LOC122539214: variants seen among roughly 807,000 people sequenced by gnomAD.
At chr19:52,666,485 C>T in the LOC122539214 span, among the ~76,000 whole-genome samples, 50 of 152,158 alleles carry the variant, frequency 3.3e-4, no homozygotes, top group African/African-American at 1.1e-3. Flanking sequence ...ATCCTTAACC[C>T]AGTAAACCGC....
At chr19:52,675,965 G>GCAGAT in the LOC122539214 span, among the ~76,000 whole-genome samples, 1 of 152,084 alleles carries the variant, frequency 6.6e-6, no homozygotes, top group East Asian at 1.9e-4. Context: ...GCCGATGCAG[G>GCAGAT]CAGATCATGA....
At chr19:52,657,519 C>T in the LOC122539214 span, among the ~76,000 whole-genome samples, 1 of 151,258 alleles carries the variant, frequency 6.6e-6, no homozygotes, top group African/African-American at 2.4e-5. Flanking sequence ...CAGAGTGAGA[C>T]TGTCTCAAAA....
the LOC122539214 span, among the ~76,000 whole-genome samples, chr19:52,680,753 C>T: frequency 7.0e-6 from 1 of 143,244 alleles, no homozygotes. Flanking sequence ...ACTGGGACTA[C>T]AGGCGCCCGC....
chr19:52,657,785 T>G, the LOC122539214 span, among the ~76,000 whole-genome samples: 1 of 151,468 alleles, frequency 6.6e-6, no homozygotes. Context: ...AGGTGGAGGT[T>G]GCAGTGAGCC....
At chr19:52,652,969 T>C in the LOC122539214 span, 3 of 1,311,720 alleles carry the variant, frequency 2.3e-6, no homozygotes, top group Non-Finnish European at 3.3e-6. Context: ...GCCACACTCA[T>C]TACACCTGTA....
the LOC122539214 span, among the ~76,000 whole-genome samples, chr19:52,668,668 T>C: frequency 1.3e-5 from 2 of 152,186 alleles, no homozygotes; most frequent in African/African-American, 4.8e-5. Context: ...ACCATAGCTA[T>C]TGAAACAGGG....
chr19:52,671,675 T>TCAAGCGATCAACC, the LOC122539214 span, among the ~76,000 whole-genome samples: 1 of 152,186 alleles, frequency 6.6e-6, no homozygotes, highest in Non-Finnish European at 1.5e-5. Context: ...ACTCCTGGAC[T>TCAAGCGATCAACC]CAAGCGATCA....
chr19:52,672,467 G>A, the LOC122539214 span, among the ~76,000 whole-genome samples: 8 of 152,266 alleles, frequency 5.3e-5, no homozygotes, highest in East Asian at 1.9e-4. Context: ...GCATAATGTC[G>A]TCAGGCATGG....
At chr19:52,655,460 A>G in the LOC122539214 span, 52 of 1,126,764 alleles carry the variant, frequency 4.6e-5, no homozygotes, top group Middle Eastern at 6.6e-4. Flanking sequence ...ATGTACATCA[A>G]AAGCATGTAT....
chr19:52,668,112 G>A, the LOC122539214 span, among the ~76,000 whole-genome samples: 1 of 152,108 alleles, frequency 6.6e-6, no homozygotes, highest in African/African-American at 2.4e-5. Flanking sequence ...TTTAAAACAA[G>A]AGTCTCTCAG....
the LOC122539214 span, among the ~76,000 whole-genome samples, chr19:52,667,916 G>A: frequency 6.6e-6 from 1 of 152,142 alleles, no homozygotes; most frequent in African/African-American, 2.4e-5. Context: ...CATACATGAA[G>A]TGTTAAATAT....
the LOC122539214 span, among the ~76,000 whole-genome samples, chr19:52,667,493 T>A: frequency 0.78 from 118,778 of 152,160 alleles, 46,710 homozygotes; most frequent in African/African-American, 0.87. Context: ...TATGTGCAAG[T>A]TGTGTAAGGA....
the LOC122539214 span, among the ~76,000 whole-genome samples, chr19:52,677,195 A>C: frequency 0.039 from 5,896 of 151,644 alleles, 327 homozygotes; most frequent in African/African-American, 0.13. Flanking sequence ...AACAAAAACA[A>C]AACAATCAAA....
At chr19:52,681,951 A>G in the LOC122539214 span, among the ~76,000 whole-genome samples, 1 of 152,144 alleles carries the variant, frequency 6.6e-6, no homozygotes, top group Non-Finnish European at 1.5e-5. Context: ...AGGTCTAAGC[A>G]ATTCTCCTGC....
chr19:52,655,805 A>G, the LOC122539214 span: 1 of 550,038 alleles, frequency 1.8e-6, no homozygotes, highest in Admixed American at 3.1e-5. Context: ...ACAAACCCAC[A>G]TTAAGGTATT....
the LOC122539214 span, among the ~76,000 whole-genome samples, chr19:52,678,817 T>C: frequency 6.6e-6 from 1 of 151,560 alleles, no homozygotes; most frequent in Non-Finnish European, 1.5e-5. Context: ...CTACTAAAAA[T>C]ACAAAAATTA....
the LOC122539214 span, among the ~76,000 whole-genome samples, chr19:52,674,817 G>C: frequency 2.0e-5 from 3 of 152,208 alleles, no homozygotes; most frequent in Non-Finnish European, 2.9e-5. Context: ...CTCGTTAAAT[G>C]ATTATACAAC....
At chr19:52,676,251 G>A in the LOC122539214 span, among the ~76,000 whole-genome samples, 17 of 152,188 alleles carry the variant, frequency 1.1e-4, no homozygotes, top group African/African-American at 3.4e-4. Flanking sequence ...CCGAGGTGCC[G>A]GGATTGCAGA....
chr19:52,676,450 G>A, the LOC122539214 span, among the ~76,000 whole-genome samples: 2 of 152,062 alleles, frequency 1.3e-5, no homozygotes, highest in Non-Finnish European at 2.9e-5. Context: ...CCATGTCTGG[G>A]ATGTGAGGAG....
Sources: allele counts gnomAD v4.1 joint callset (sites outside exome capture counted in the v4.1 genomes callset), GRCh38; gene constraint gnomAD v4.1.1; transcripts MANE v1.5.